ALDH2: variants seen among roughly 807,000 people sequenced by gnomAD.
ALDH2 encodes the protein aldehyde dehydrogenase 2 family member, also known as aldehyde dehydrogenase, mitochondrial.
ALDH2 carries 44 observed loss-of-function variants against 59.6 expected under a neutral mutation model. The ratio of observed to expected loss-of-function variants is 0.74; its 90% CI spans 0.58 to 0.95. The LOEUF is 0.95. Among genes scored for constraint, ALDH2 ranks in the 40% least tolerant of loss-of-function variants. ALDH2 has a pLI of 0.00. For missense variants in ALDH2, 570 were observed against 696.3 expected, an observed-to-expected ratio of 0.82 and a Z score of 2.04; for synonymous variants, 291 against 284.0, an observed-to-expected ratio of 1.02 and a Z score of -0.25.
At position 111,785,357 on chromosome 12, in the gene ALDH2, A is replaced by C. The variant is rs367691794; in HGVS notation, c.440+11A>C. On this transcript the variant is annotated intron_variant, in intron 4 of 12. Coordinates refer to ENST00000261733, the MANE Select transcript of ALDH2 (RefSeq NM_000690.4). ...CCTCAAATGTCTCCGGTATGGGCTC[A>C]GCTTTCCTGTTCTTTGTTCTGGCAG... 1 of 1,609,838 alleles carries C rather than the reference A, an allele frequency of 6.2e-7. No homozygotes were observed. The highest frequency in any genetic ancestry group is 8.5e-7 in the Non-Finnish European group (1 of 1,176,092).
intron 12 of ALDH2, among the ~76,000 whole-genome samples, chr12:111,805,710 T>G (rs2068488372): frequency 1.3e-5 from 2 of 152,176 alleles, no homozygotes; most frequent in Non-Finnish European, 2.9e-5. Context: ...AATTTGGCAA[T>G]GTAGCAAGAT....
chr12:111,802,686 C>T (rs2068462655), intron 11 of ALDH2, among the ~76,000 whole-genome samples: 1 of 150,810 alleles, frequency 6.6e-6, no homozygotes, highest in Non-Finnish European at 1.5e-5. Context: ...CAAGACCATC[C>T]TGGCTAACAC....
intron 1 of ALDH2, 135 bp downstream of exon 1, chr12:111,767,231 G>A: frequency 1.5e-6 from 1 of 649,998 alleles, no homozygotes; most frequent in East Asian, 3.4e-5. Flanking sequence ...TGACCTGGAA[G>A]CACATCTGCC....
intron 12 of ALDH2, among the ~76,000 whole-genome samples, chr12:111,808,471 G>A (rs905592616): frequency 6.6e-5 from 10 of 152,076 alleles, no homozygotes; most frequent in Admixed American, 5.9e-4. Context: ...TTGGGACACT[G>A]AGGCAGGTGA....
rs2068535109 is a variant in ALDH2, at chr12:111,811,461, ATTTTC to A, written c.*1891_*1895del. ...TCTGTGATTTGAGTCTTGACAATGT[ATTTTC>A]TTTTTTTTTTTCTTCTTTTTTTTTT... On this transcript the variant is annotated 3_prime_UTR_variant, in exon 13 of 13. Coordinates refer to ENST00000261733, the MANE Select transcript of ALDH2 (RefSeq NM_000690.4). 6.7e-6 allele frequency: 1 copy of A among 149,800 alleles called. No individual in the cohort carries two copies. Among genetic ancestry groups the A allele is most frequent in the Non-Finnish European group, 1.5e-5 (1 of 67,502 alleles). 9.3% of individuals were successfully genotyped at this position (149,800 alleles called of 1,614,324 possible). A position where few individuals can be genotyped will look rare whatever the true frequency, so the allele number is the denominator to read the frequency against.
chr12:111,789,259 T>A (rs2068336922), intron 4 of ALDH2, among the ~76,000 whole-genome samples: 1 of 151,538 alleles, frequency 6.6e-6, no homozygotes, highest in South Asian at 2.1e-4. Context: ...CCTCGTGATC[T>A]GCTCACCTAG....
chr12:111,787,103 G>A (rs898486683), intron 4 of ALDH2, among the ~76,000 whole-genome samples: 1 of 152,072 alleles, frequency 6.6e-6, no homozygotes, highest in African/African-American at 2.4e-5. Flanking sequence ...CTACTCAGGA[G>A]GCTGAGGCAC....
intron 12 of ALDH2, among the ~76,000 whole-genome samples, chr12:111,804,938 C>T (rs895068675): frequency 1.3e-5 from 2 of 152,110 alleles, no homozygotes; most frequent in African/African-American, 4.8e-5. Context: ...CTGAAGGACC[C>T]ATCAGAAATA....
At chr12:111,790,301 T>C (rs1226226205) in intron 5 of ALDH2, 133 bp from the exon 6 acceptor site, 4 of 1,125,986 alleles carry the variant, frequency 3.6e-6, no homozygotes, top group Non-Finnish European at 5.2e-6. Flanking sequence ...CCACGATGGA[T>C]GGAGTTAGGG....
At chr12:111,799,206 C>T (rs1162009614) in intron 10 of ALDH2, among the ~76,000 whole-genome samples, 1 of 149,862 alleles carries the variant, frequency 6.7e-6, no homozygotes, top group Non-Finnish European at 1.5e-5. Flanking sequence ...CACTCTGTCG[C>T]CAGGCTGGAG....
intron 11 of ALDH2, among the ~76,000 whole-genome samples, chr12:111,801,585 G>C (rs1444328640): frequency 6.6e-6 from 1 of 151,920 alleles, no homozygotes; most frequent in African/African-American, 2.4e-5. Flanking sequence ...TGTAGTCCCA[G>C]CTACTCGGGA....
Position 111,814,337 on chromosome 12 carries a change from A to G in ALDH2, c.*4762A>G, listed in dbSNP as rs2068556720. The G allele has an allele frequency of 6.9e-6, 1 of 144,940 alleles. No individual in the cohort carries two copies. Among genetic ancestry groups the G allele is most frequent in the Non-Finnish European group, 1.5e-5 (1 of 66,208 alleles). 9.0% of individuals were successfully genotyped at this position (144,940 alleles called of 1,614,324 possible). A position where few individuals can be genotyped will look rare whatever the true frequency, so the allele number is the denominator to read the frequency against. Reference sequence around the variant, plus strand: ...ACTCTATCCTGGGTGACAGAGTGAGACTCTGTCTCCAAAAAAAAAAAAAGA... The same window carrying G: ...ACTCTATCCTGGGTGACAGAGTGAGGCTCTGTCTCCAAAAAAAAAAAAAGA... On this transcript the variant is annotated 3_prime_UTR_variant, in exon 13 of 13. Transcript: ENST00000261733.
chr12:111,780,374 T>G, intron 1 of ALDH2, among the ~76,000 whole-genome samples: 1 of 152,168 alleles, frequency 6.6e-6, no homozygotes, highest in East Asian at 1.9e-4. Context: ...GGACCCGCCC[T>G]CCTCCCTGAC....
chr12:111,778,566 C>A (rs1052366003), intron 1 of ALDH2, among the ~76,000 whole-genome samples: 2 of 148,594 alleles, frequency 1.3e-5, no homozygotes, highest in African/African-American at 5.0e-5. Context: ...AAAAAAAAAC[C>A]CTCACACCTG....
intron 12 of ALDH2, among the ~76,000 whole-genome samples, chr12:111,809,167 T>C (rs2068517652): frequency 6.6e-6 from 1 of 152,108 alleles, no homozygotes; most frequent in African/African-American, 2.4e-5. Flanking sequence ...AAAATCATAG[T>C]TACAGGCCAC....
chr12:111,768,136 T>C (rs2068173151), intron 1 of ALDH2, among the ~76,000 whole-genome samples: 1 of 152,222 alleles, frequency 6.6e-6, no homozygotes, highest in South Asian at 2.1e-4. Flanking sequence ...GTTTAGTGAC[T>C]CACCTAAAGA....
intron 12 of ALDH2, among the ~76,000 whole-genome samples, chr12:111,804,722 G>A (rs1341121489): frequency 2.0e-5 from 3 of 150,730 alleles, no homozygotes; most frequent in East Asian, 1.9e-4. Flanking sequence ...ACTCCAGCCT[G>A]GGCAACAGAG....
Position 111,814,499 on chromosome 12 carries a change from C to T in ALDH2, c.*4924C>T, listed in dbSNP as rs1004800009. The T allele has an allele frequency of 6.8e-6, 1 of 148,074 alleles. No homozygotes were observed. The highest frequency in any genetic ancestry group is 2.5e-5 in the African/African-American group (1 of 39,810). 9.2% of individuals were successfully genotyped at this position (148,074 alleles called of 1,614,324 possible). ...AGGTTGCAGTGAGCTAAGATCGCACCACTGCACTCCAGCCTGGGTGACAGA... is the reference window on the plus strand; with the variant it reads ...AGGTTGCAGTGAGCTAAGATCGCACTACTGCACTCCAGCCTGGGTGACAGA... On this transcript the variant is annotated 3_prime_UTR_variant, in exon 13 of 13. Transcript: ENST00000261733.
intron 9 of ALDH2, among the ~76,000 whole-genome samples, chr12:111,795,344 A>G (rs780343083): frequency 1.8e-4 from 27 of 152,092 alleles, no homozygotes; most frequent in African/African-American, 6.5e-4. Flanking sequence ...GTGCAGTGGC[A>G]TCATCTCAGC....
Sources: allele counts gnomAD v4.1 joint callset (sites outside exome capture counted in the v4.1 genomes callset), GRCh38; gene constraint gnomAD v4.1.1; transcripts MANE v1.5; gene names NCBI Gene and HGNC (gene_info 2026-07-23, HGNC 2026-07-21).